PAK4: variants seen among roughly 807,000 people sequenced by gnomAD.
The protein encoded by PAK4 is p21 (RAC1) activated kinase 4.
A neutral mutation model predicts 53.5 loss-of-function variants in PAK4; 49 were observed. The observed-to-expected ratio is 0.92, with a 90% CI of 0.73 to 1.16. The LOEUF (loss-of-function observed/expected upper bound fraction) is 1.16. PAK4 is among the 50% of genes most tolerant of loss of function. The pLI is 0.00. For synonymous variants in PAK4, 376 were observed against 375.6 expected (o/e 1.00, Z -0.01); for missense variants, 824 against 850.7 (o/e 0.97, Z 0.39).
intron 1 of PAK4, among the ~76,000 whole-genome samples, chr19:39,135,434 C>G (rs958314619): frequency 6.7e-6 from 1 of 149,354 alleles, no homozygotes; most frequent in African/African-American, 2.5e-5. Flanking sequence ...TTCCCAGATC[C>G]AAGCCATTCT....
chr19:39,151,928 G>A (rs1010032827), intron 1 of PAK4, among the ~76,000 whole-genome samples: 10 of 151,908 alleles, frequency 6.6e-5, no homozygotes, highest in East Asian at 5.8e-4. Flanking sequence ...GCCACCACGC[G>A]CAGCTAATTT....
chr19:39,137,827 T>C (rs141080985), intron 1 of PAK4, among the ~76,000 whole-genome samples: 6 of 151,890 alleles, frequency 4.0e-5, no homozygotes, highest in East Asian at 3.9e-4. Flanking sequence ...CCACCATGCC[T>C]GGCTAATTTT....
At chr19:39,153,031 G>A (rs887829432) in intron 1 of PAK4, among the ~76,000 whole-genome samples, 7 of 152,238 alleles carry the variant, frequency 4.6e-5, no homozygotes, top group Admixed American at 6.5e-5. Flanking sequence ...CTCAGCTACC[G>A]AGGGAGAATT....
chr19:39,162,691 T>C (rs2074304435), intron 1 of PAK4, among the ~76,000 whole-genome samples: 1 of 152,212 alleles, frequency 6.6e-6, no homozygotes, highest in African/African-American at 2.4e-5. Flanking sequence ...ATCTCATACA[T>C]TGACTGCCTC....
Position 39,178,319 on chromosome 19 carries a change from C to A in PAK4, c.1621-105C>A. The A allele has an allele frequency of 7.8e-7, 1 of 1,276,314 alleles. No individual in the cohort carries two copies. The highest frequency in any genetic ancestry group is 1.1e-6 in the Non-Finnish European group (1 of 922,036). The allele number at this position is 1,276,314 out of a possible 1,614,324, so 79.1% of individuals were successfully genotyped here. On this transcript the variant is annotated intron_variant, in intron 8 of 8. Coordinates refer to ENST00000358301, the Ensembl canonical transcript of PAK4. This position sits in a 1 kb window ranked among gnomAD's most constrained non-coding sequence, Gnocchi z 4.4. Reference sequence around the variant, plus strand: ...ATGACCTCCGCCCCCTGCCCTCCTGCACAGTACATGCCGCCAGCCGACTTG... The same window carrying A: ...ATGACCTCCGCCCCCTGCCCTCCTGAACAGTACATGCCGCCAGCCGACTTG...
chr19:39,128,649 C>T (rs750768518), intron 1 of PAK4, among the ~76,000 whole-genome samples: 1 of 152,236 alleles, frequency 6.6e-6, no homozygotes, highest in Non-Finnish European at 1.5e-5. Context: ...ACTCATGCAT[C>T]CGGCCATCGT....
rs1279874873 is a variant in PAK4 at position 39,130,691 on chromosome 19, AAAG to A, written c.-23+4776_-23+4778del. On this transcript the variant is annotated intron_variant, in intron 1 of 8. Transcript: ENST00000358301. ...AAATAAATAAATAAAAAAGCAAAAA[AAAG>A]AAGCCAGTGTGGCTGAGCAGGGGGT... 5.3e-5 allele frequency among the ~76,000 whole-genome samples: 8 copies of A among 152,074 alleles called. No homozygotes were observed. The East Asian group carries it at 5.8e-4, about 11-fold the overall frequency.
chr19:39,173,820 A>C lies in PAK4; in HGVS notation c.908A>C (p.Gln303Pro), dbSNP rs1414231617. Residue 303 changes from glutamine (Q) to proline (P), a missense_variant, in exon 4 of 9, where the codon CAG becomes CCG. Physicochemically the swap from Gln to Pro is moderately conservative, Grantham distance 76 (BLOSUM62 -1). Around this residue, in one of 2 missense-constraint regions of PAK4, gnomAD observed 346 missense variants for 415.0 expected, o/e 0.83. Transcript: ENST00000358301. This position sits in a 1 kb window ranked among gnomAD's most constrained non-coding sequence, Gnocchi z 6.9. ...GAGCCACAGCGAGTATCCCATGAGCAGTTCCGGGCTGCCCTGCAGCTGGTG... is the reference window on the plus strand; with the variant it reads ...GAGCCACAGCGAGTATCCCATGAGCCGTTCCGGGCTGCCCTGCAGCTGGTG... 6.2e-6 allele frequency: 10 copies of C among 1,612,172 alleles called. No homozygotes were observed. Among genetic ancestry groups the C allele is most frequent in the Non-Finnish European group, 8.5e-6 (10 of 1,179,702 alleles).
chr19:39,176,987 G>C (rs1422743048), intron 7 of PAK4, among the ~76,000 whole-genome samples: 2 of 152,036 alleles, frequency 1.3e-5, no homozygotes, highest in African/African-American at 4.8e-5. Context: ...TCCTGCCTCA[G>C]CCTCCCGAGA....
chr19:39,169,527 C>A lies in PAK4; in HGVS notation c.-22-5C>A, dbSNP rs372025647. 6 of 1,603,988 alleles carry A rather than the reference C, an allele frequency of 3.7e-6. No individual in the cohort carries two copies. In the African/African-American group the frequency reaches 4.0e-5, roughly 11 times the overall value. On this transcript the variant is annotated splice_polypyrimidine_tract_variant and splice_region_variant and intron_variant, in intron 1 of 8. Transcript: ENST00000358301. The stretch of plus-strand genomic sequence containing the variant: ...TCACTCACCCACCGTGATTCCCTCC[C>A]GCAGGCCGCACCGAGTCCCCGGCAC...
intron 1 of PAK4, among the ~76,000 whole-genome samples, chr19:39,132,786 A>G (rs2073738376): frequency 6.6e-6 from 1 of 152,218 alleles, no homozygotes; most frequent in Non-Finnish European, 1.5e-5. Flanking sequence ...GTCTGATGAC[A>G]CCGGGGTTTC....
At chr19:39,165,381 G>A (rs1486805324) in intron 1 of PAK4, among the ~76,000 whole-genome samples, 1 of 148,944 alleles carries the variant, frequency 6.7e-6, no homozygotes, top group Non-Finnish European at 1.5e-5. Context: ...CGGGCATGGT[G>A]GTGGGCACCT....
chr19:39,177,995 G>A (rs974445288), intron 8 of PAK4, among the ~76,000 whole-genome samples, 186 bp downstream of exon 9: 3 of 152,112 alleles, frequency 2.0e-5, no homozygotes, highest in Non-Finnish European at 4.4e-5. Context: ...CTGGGCGACA[G>A]AGGCAGCAGA....
At chr19:39,150,449 G>A (rs1456455542) in intron 1 of PAK4, among the ~76,000 whole-genome samples, 1 of 152,128 alleles carries the variant, frequency 6.6e-6, no homozygotes, top group African/African-American at 2.4e-5. Flanking sequence ...GGTAGACATA[G>A]CCCAGGTCTG....
chr19:39,177,572 G>A, intron 7 of PAK4, 103 bp from the exon 9 acceptor site: 4 of 1,295,816 alleles, frequency 3.1e-6, no homozygotes, highest in Non-Finnish European at 4.1e-6. Context: ...AGGACTCCAG[G>A]AGCCAGAGGC....
At chr19:39,174,974 T>A in exon 5 of PAK4, 1 of 1,613,866 alleles carries the variant, frequency 6.2e-7, no homozygotes, top group Non-Finnish European at 8.5e-7. Context: ...GTGGTGGAGA[T>A]GTACAACAGC....
downstream of PAK4, chr19:39,179,589 G>A (rs2074679387): frequency 1.3e-5 from 2 of 152,178 alleles, no homozygotes; most frequent in African/African-American, 4.8e-5. Flanking sequence ...CCACTCCCCA[G>A]AATGGGGCAG....
intron 1 of PAK4, among the ~76,000 whole-genome samples, chr19:39,134,677 G>A (rs1241105150): frequency 2.0e-5 from 3 of 151,434 alleles, no homozygotes; most frequent in African/African-American, 7.4e-5. Context: ...TTGGCTCACT[G>A]CAGCCTCTGC....
intron 1 of PAK4, among the ~76,000 whole-genome samples, chr19:39,155,294 A>G (rs2074160065): frequency 6.6e-6 from 1 of 152,174 alleles, no homozygotes; most frequent in South Asian, 2.1e-4. Flanking sequence ...GGCCTCCCAC[A>G]GGTGTGCCTG....
Sources: gnomAD v4.1 joint callset for allele counts (sites outside exome capture counted in the v4.1 genomes callset) on GRCh38, gnomAD v4.1.1 for gene constraint, gnomAD v4.1.1 regional missense constraint, Gnocchi (gnomAD v3.1) non-coding constraint, MANE v1.5 for transcripts, NCBI Gene and HGNC (gene_info 2026-07-23, HGNC 2026-07-21) for gene names.